Variants in PLAUR observed in about 807,000 individuals in gnomAD.
PLAUR encodes urokinase plasminogen activator surface receptor.
In PLAUR, 22 loss-of-function variants were observed where a neutral mutation model predicts 33.4. That is an observed-to-expected ratio of 0.66 (90% confidence interval 0.47 to 0.94). PLAUR has a LOEUF of 0.94. Among genes scored for constraint, PLAUR ranks in the 40% least tolerant of loss-of-function variants. The pLI is 0.00. For missense variants in PLAUR, 408 were observed against 434.7 expected, an observed-to-expected ratio of 0.94 and a Z score of 0.55; for synonymous variants, 148 against 167.3, an observed-to-expected ratio of 0.88 and a Z score of 0.89.
chr19:43,670,000 T>C, intron 1 of PLAUR, 66 bp downstream of exon 1: 1 of 1,489,562 alleles, frequency 6.7e-7, no homozygotes, highest in East Asian at 2.3e-5. Context: ...ACTCATCCTC[T>C]GACAACCCCC....
chr19:43,662,354 C>T lies in PLAUR; in HGVS notation c.310+2962G>A, dbSNP rs370301661. On this transcript the variant is annotated intron_variant, in intron 3 of 6. Transcript: ENST00000340093. ...CTACTAAAAATTCAAAAAAATTAGC[C>T]GGGCATGGTGGCGGGTGCCTGTAAT... 7.2e-5 allele frequency among the ~76,000 whole-genome samples: 11 copies of T among 152,010 alleles called. No individual in the cohort carries two copies. The South Asian group carries it at 1.7e-3, about 23-fold the overall frequency.
At chr19:43,653,782 C>A (rs1244517673) in intron 5 of PLAUR, among the ~76,000 whole-genome samples, 1 of 152,064 alleles carries the variant, frequency 6.6e-6, no homozygotes, top group Non-Finnish European at 1.5e-5. Flanking sequence ...GAGTTTGATA[C>A]CAGCCCCGGC....
At chr19:43,655,276 CAAAAA>C (rs34689348) in intron 5 of PLAUR, among the ~76,000 whole-genome samples, 158 bp downstream of exon 5, 9 of 66,190 alleles carry the variant, frequency 1.4e-4, no homozygotes, top group African/African-American at 4.2e-4. Context: ...GACTCCGTCT[CAAAAA>C]AAAAAAAAAA....
downstream of PLAUR, among the ~76,000 whole-genome samples, chr19:43,648,393 G>C (rs1973860929): frequency 6.6e-6 from 1 of 152,082 alleles, no homozygotes; most frequent in Non-Finnish European, 1.5e-5. Context: ...TGTTCAAGAT[G>C]GCAGTGCTCC....
rs554133695 is a variant in PLAUR at position 43,667,228 on chromosome 19, G to T, written c.166+353C>A. The T allele has an allele frequency of 3.9e-4, 115 of 296,762 alleles. 1 individual carries two copies. Among genetic ancestry groups the T allele is most frequent in the African/African-American group, 2.3e-3 (107 of 46,122 alleles). The allele number at this position is 296,762 out of a possible 1,614,324, so 18.4% of individuals were successfully genotyped here. On this transcript the variant is annotated intron_variant, in intron 2 of 6. Coordinates refer to ENST00000340093, the MANE Select transcript of PLAUR (RefSeq NM_002659.4). ...ACAAACATTGCTGCTAAGAACATTC[G>T]TATACATGTGTCCCTGGGTATATGT...
In PLAUR at chr19:43,656,547, A is replaced by AG; in HGVS notation, c.403dup (p.Leu135ProfsTer7). ...CTGTTCTTCAGGGCTGCGGCACTGC[A>AG]GGCTCTGGTGCCGGCCCCTCTCACA... On this transcript the variant is annotated frameshift_variant, in exon 4 of 7. Transcript: ENST00000340093. LOFTEE classifies it high-confidence loss of function. 2 of 1,612,950 alleles carry AG rather than the reference A, an allele frequency of 1.2e-6. No homozygotes were observed. Among genetic ancestry groups the AG allele is most frequent in the Non-Finnish European group, 1.7e-6 (2 of 1,179,314 alleles).
At chr19:43,651,983 G>C in intron 6 of PLAUR, 1 of 1,244,132 alleles carries the variant, frequency 8.0e-7, no homozygotes, top group South Asian at 1.9e-5. Context: ...CTCCCAAAGT[G>C]CTGAGAGTAC....
intron 1 of PLAUR, among the ~76,000 whole-genome samples, chr19:43,668,666 C>T (rs539123289): frequency 1.9e-4 from 28 of 150,692 alleles, no homozygotes; most frequent in African/African-American, 6.4e-4. Flanking sequence ...TATAACCCCG[C>T]CCCTAGCCCC....
chr19:43,665,347 A>C lies in PLAUR; in HGVS notation c.279T>G (p.Cys93Trp). 1 of 1,614,010 alleles carries C rather than the reference A, an allele frequency of 6.2e-7. No individual in the cohort carries two copies. ...LKITSLTEVV[C>W]GLDLCNQGNS... ...TGCCCTGGTTGCACAAGTCTAACCC[A>C]CACACAACCTCGGTAAGGCTGGTGA... is the stretch of plus-strand genomic sequence containing the variant. The change falls in exon 3 of 7, where the codon TGT becomes TGG. Residue 93 changes from cysteine to tryptophan, a missense_variant. Physicochemically the swap from Cys to Trp is radical, Grantham distance 215. Transcript: ENST00000340093.
At position 43,665,309 on chromosome 19, in the gene PLAUR, T is replaced by G; in HGVS notation, c.310+7A>C. The G allele has an allele frequency of 6.2e-7, 1 of 1,613,780 alleles. No individual in the cohort carries two copies. Among genetic ancestry groups the G allele is most frequent in the Non-Finnish European group, 8.5e-7 (1 of 1,179,828 alleles). On this transcript the variant is annotated splice_region_variant and intron_variant, in intron 3 of 6. Transcript: ENST00000340093. Reference sequence around the variant, plus strand: ...GGGTTGGGGATGGCAAGGGCTGCCCTACTCACCAGAGTTGCCCTGGTTGCA... The same window carrying G: ...GGGTTGGGGATGGCAAGGGCTGCCCGACTCACCAGAGTTGCCCTGGTTGCA...
At chr19:43,659,232 C>T (rs1454467899) in intron 3 of PLAUR, among the ~76,000 whole-genome samples, 1 of 137,210 alleles carries the variant, frequency 7.3e-6, no homozygotes, top group Non-Finnish European at 1.5e-5. Flanking sequence ...GGCTCACTGC[C>T]ACCTCGACCT....
At chr19:43,648,357 C>T (rs1973860022), downstream of PLAUR, among the ~76,000 whole-genome samples, 1 of 152,046 alleles carries the variant, frequency 6.6e-6, no homozygotes, top group Non-Finnish European at 1.5e-5. Context: ...GATTTTTAAT[C>T]AAGAGGAACT....
At chr19:43,659,774 A>C (rs1292657439) in intron 3 of PLAUR, among the ~76,000 whole-genome samples, 1 of 152,174 alleles carries the variant, frequency 6.6e-6, no homozygotes, top group Non-Finnish European at 1.5e-5. Flanking sequence ...ATCAACCGAC[A>C]TGCTTCTACT....
At chr19:43,669,443 C>A (rs1038353282) in intron 1 of PLAUR, among the ~76,000 whole-genome samples, 1 of 152,116 alleles carries the variant, frequency 6.6e-6, no homozygotes, top group African/African-American at 2.4e-5. Context: ...GTTTCCTCTG[C>A]GAAACGAAAT....
At position 43,668,266 on chromosome 19, in the gene PLAUR, T is replaced by C. The variant is rs1002516054; in HGVS notation, c.56-575A>G. The C allele has an allele frequency of 1.5e-5, 15 of 987,166 alleles. No individual in the cohort carries two copies. The African/African-American group carries it at 2.3e-4, about 15-fold the overall frequency. The allele number at this position is 987,166 out of a possible 1,614,324, so 61.2% of individuals were successfully genotyped here. On this transcript the variant is annotated intron_variant, in intron 1 of 6. Transcript: ENST00000340093. ...CCCCATCAGCCCTCCGGAGTTTCTATTGTTAGATACTCTAGTTTCCCGCGA... is the reference window on the plus strand; with the variant it reads ...CCCCATCAGCCCTCCGGAGTTTCTACTGTTAGATACTCTAGTTTCCCGCGA...
chr19:43,653,555 A>T (rs1974081901), intron 5 of PLAUR, among the ~76,000 whole-genome samples: 1 of 152,220 alleles, frequency 6.6e-6, no homozygotes. Flanking sequence ...GCACTTTGGG[A>T]GGCCGAGGCA....
intron 1 of PLAUR, among the ~76,000 whole-genome samples, chr19:43,668,994 G>A (rs1221642166): frequency 6.6e-6 from 1 of 151,932 alleles, no homozygotes; most frequent in Non-Finnish European, 1.5e-5. Flanking sequence ...CCCGACCTCC[G>A]GGCCTTCCCG....
intron 3 of PLAUR, among the ~76,000 whole-genome samples, chr19:43,663,912 C>T (rs1045040497): frequency 2.0e-5 from 3 of 151,922 alleles, no homozygotes; most frequent in Admixed American, 2.0e-4. Flanking sequence ...AGCTGCTGCT[C>T]TAAGCTCCTG....
At chr19:43,659,951 A>G (rs922279933) in intron 3 of PLAUR, among the ~76,000 whole-genome samples, 2 of 152,200 alleles carry the variant, frequency 1.3e-5, no homozygotes, top group African/African-American at 4.8e-5. Context: ...TTTCCTGAAT[A>G]TATCGATTGT....
Sources: gnomAD v4.1 joint callset for allele counts (sites outside exome capture counted in the v4.1 genomes callset) on GRCh38, gnomAD v4.1.1 for gene constraint, MANE v1.5 for transcripts, NCBI Gene and HGNC (gene_info 2026-07-23, HGNC 2026-07-21) for gene names.